The following ZNF438 variants were observed in gnomAD, a reference collection of about 807,000 sequenced individuals.
ZNF438 encodes the protein zinc finger protein 438.
ZNF438 carries 25 observed loss-of-function variants against 38.0 expected under a neutral mutation model. The observed-to-expected ratio is 0.66, with a 90% CI of 0.48 to 0.92. The LOEUF is 0.92. Among genes scored for constraint, ZNF438 ranks in the 40% least tolerant of loss-of-function variants. ZNF438 has a pLI of 0.00. For missense variants in ZNF438, 1,007 were observed against 999.6 expected (o/e 1.01, Z -0.10); for synonymous variants, 372 against 364.1 (o/e 1.02, Z -0.25).
At chr10:30,886,976 T>C (rs1281149601) in intron 3 of ZNF438, among the ~76,000 whole-genome samples, 1 of 152,180 alleles carries the variant, frequency 6.6e-6, no homozygotes, top group African/African-American at 2.4e-5. Context: ...GAGGACTTGC[T>C]AGAGAGGGGA....
At position 30,893,970 on chromosome 10, in the gene ZNF438, T is replaced by C. The variant is rs1203983033; in HGVS notation, c.-32+14963A>G. On this transcript the variant is annotated intron_variant, in intron 3 of 5. Transcript: ENST00000413025. Reference sequence around the variant, plus strand: ...TAGCTAAATTTATTTTGGTACATTTTGTTAATGAATAAAACCACTCAAATA... The same window carrying C: ...TAGCTAAATTTATTTTGGTACATTTCGTTAATGAATAAAACCACTCAAATA... Among the ~76,000 whole-genome samples the C allele has an allele frequency of 3.3e-5, 5 of 152,226 alleles. No individual in the cohort carries two copies. The South Asian group carries it at 6.2e-4, about 19-fold the overall frequency.
intron 3 of ZNF438, among the ~76,000 whole-genome samples, chr10:30,895,798 A>T (rs2934631): frequency 0.78 from 118,672 of 152,018 alleles, 47,087 homozygotes; most frequent in African/African-American, 0.89. Context: ...CAATGAAATA[A>T]CACCTCACAC....
At chr10:30,966,219 A>T (rs921916690) in intron 1 of ZNF438, among the ~76,000 whole-genome samples, 1 of 152,128 alleles carries the variant, frequency 6.6e-6, no homozygotes, top group African/African-American at 2.4e-5. Context: ...AATCTCAGGT[A>T]CTTAGGAGGC....
intron 3 of ZNF438, among the ~76,000 whole-genome samples, chr10:30,903,746 A>G (rs764744906): frequency 4.6e-5 from 7 of 152,230 alleles, no homozygotes; most frequent in Non-Finnish European, 1.0e-4. Context: ...ACATTTGTAG[A>G]CCATGTAACC....
At chr10:30,959,363 T>A (rs528920836) in intron 1 of ZNF438, among the ~76,000 whole-genome samples, 1 of 146,678 alleles carries the variant, frequency 6.8e-6, no homozygotes, top group East Asian at 1.9e-4. Context: ...TCAGACTTCA[T>A]CTGCAACATT....
At chr10:30,934,701 C>T (rs2046053476) in intron 2 of ZNF438, among the ~76,000 whole-genome samples, 1 of 152,192 alleles carries the variant, frequency 6.6e-6, no homozygotes, top group African/African-American at 2.4e-5. Flanking sequence ...ATGTTAATAT[C>T]AACTCTAATC....
At chr10:30,877,271 G>A (rs948914049) in intron 3 of ZNF438, among the ~76,000 whole-genome samples, 5 of 152,128 alleles carry the variant, frequency 3.3e-5, no homozygotes, top group Non-Finnish European at 5.9e-5. Flanking sequence ...GTACTAGAAT[G>A]GGCTTAGAGA....
intron 2 of ZNF438, among the ~76,000 whole-genome samples, chr10:30,931,029 T>C (rs955620625): frequency 1.3e-5 from 2 of 152,104 alleles, no homozygotes; most frequent in African/African-American, 4.8e-5. Flanking sequence ...GCCCCTCTAC[T>C]GGAGCACTGG....
intron 1 of ZNF438, among the ~76,000 whole-genome samples, chr10:30,947,460 G>T (rs968032149): frequency 1.3e-5 from 2 of 152,266 alleles, no homozygotes; most frequent in Non-Finnish European, 2.9e-5. Flanking sequence ...AGTCTGCAGA[G>T]GTTACTGCTG....
intron 1 of ZNF438, among the ~76,000 whole-genome samples, chr10:30,952,095 T>C (rs1394234266): frequency 1.3e-5 from 2 of 151,310 alleles, no homozygotes; most frequent in East Asian, 1.9e-4. Flanking sequence ...GAAATAACGC[T>C]GCCTATCTAC....
chr10:30,996,622 C>T (rs1310763091), intron 1 of ZNF438, among the ~76,000 whole-genome samples: 1 of 151,584 alleles, frequency 6.6e-6, no homozygotes, highest in East Asian at 1.9e-4. Context: ...TTGGAGACTT[C>T]CCTCTTTCAA....
intron 1 of ZNF438, among the ~76,000 whole-genome samples, chr10:30,971,759 T>C (rs1046289675): frequency 1.3e-5 from 2 of 152,178 alleles, no homozygotes; most frequent in Non-Finnish European, 2.9e-5. Context: ...ATATTCCTAA[T>C]TGCTATATTA....
intron 1 of ZNF438, among the ~76,000 whole-genome samples, chr10:30,979,746 T>C (rs555411991): frequency 6.0e-4 from 91 of 152,318 alleles, no homozygotes; most frequent in African/African-American, 2.0e-3. Context: ...CCCACTATTA[T>C]TGTGTGGGAG....
chr10:30,917,297 T>C (rs2043758953), intron 2 of ZNF438, among the ~76,000 whole-genome samples: 2 of 152,136 alleles, frequency 1.3e-5, no homozygotes, highest in African/African-American at 2.4e-5. Flanking sequence ...AGCTATATTA[T>C]GCACATATAT....
chr10:31,022,441 A>G (rs889292305), intron 1 of ZNF438, among the ~76,000 whole-genome samples: 1 of 152,052 alleles, frequency 6.6e-6, no homozygotes, highest in Non-Finnish European at 1.5e-5. Context: ...TTGTATTTTT[A>G]GTAGAGACAG....
At chr10:30,929,791 C>T (rs1370096330) in intron 2 of ZNF438, among the ~76,000 whole-genome samples, 3 of 151,834 alleles carry the variant, frequency 2.0e-5, no homozygotes, top group East Asian at 3.9e-4. Flanking sequence ...TCCAGCTAGA[C>T]ATAAAAGTTC....
chr10:30,996,148 A>G (rs941733122), intron 1 of ZNF438, among the ~76,000 whole-genome samples: 1 of 152,156 alleles, frequency 6.6e-6, no homozygotes, highest in Non-Finnish European at 1.5e-5. Flanking sequence ...ACACTACAAT[A>G]TATCTACTTA....
At chr10:30,907,260 C>T (rs541940555) in intron 3 of ZNF438, among the ~76,000 whole-genome samples, 2 of 152,310 alleles carry the variant, frequency 1.3e-5, no homozygotes, top group Non-Finnish European at 2.9e-5. Flanking sequence ...CAACTGTGAG[C>T]CACCACACCT....
At chr10:30,845,315 C>T (rs1224209621) in exon 6 of ZNF438, 2 of 1,614,044 alleles carry the variant, frequency 1.2e-6, no homozygotes, top group Non-Finnish European at 8.5e-7. Flanking sequence ...AATGAACCTT[C>T]TCCGGCTTCC....
Sources: gnomAD v4.1 joint callset for allele counts (sites outside exome capture counted in the v4.1 genomes callset) on GRCh38, gnomAD v4.1.1 for gene constraint, MANE v1.5 for transcripts, NCBI Gene and HGNC (gene_info 2026-07-23, HGNC 2026-07-21) for gene names.